The following IL15 variants were observed in gnomAD, a reference collection of about 807,000 sequenced individuals.
The protein encoded by IL15 is interleukin-15.
IL15 carries 11 observed loss-of-function variants against 19.6 expected under a neutral mutation model. The ratio of observed to expected loss-of-function variants is 0.56; its 90% confidence interval spans 0.35 to 0.93. IL15 has a LOEUF of 0.93. Ranked by LOEUF, IL15 falls within the 40% of genes least tolerant of loss-of-function variation. IL15 has a pLI of 0.01. For synonymous variants in IL15, 58 were observed against 59.6 expected (o/e 0.97, Z 0.12); for missense variants, 197 against 186.5 (o/e 1.06, Z -0.33).
chr4:141,655,699 A>C (rs756405775), intron 1 of IL15, among the ~76,000 whole-genome samples: 16 of 152,156 alleles, frequency 1.1e-4, no homozygotes, highest in Non-Finnish European at 2.2e-4. Context: ...TTAAAATATT[A>C]TACTATATTA....
intron 2 of IL15, among the ~76,000 whole-genome samples, chr4:141,709,795 G>A (rs1052792755): frequency 3.3e-5 from 5 of 151,934 alleles, no homozygotes; most frequent in African/African-American, 9.7e-5. Flanking sequence ...TTAGGTTCAG[G>A]GTGTATATGT....
chr4:141,698,268 T>A (rs1396014825), intron 2 of IL15, among the ~76,000 whole-genome samples: 1 of 152,154 alleles, frequency 6.6e-6, no homozygotes, highest in Non-Finnish European at 1.5e-5. Context: ...TTTGTATCTA[T>A]GTTTAACAGG....
At chr4:141,690,634 C>A (rs1728879128) in intron 2 of IL15, among the ~76,000 whole-genome samples, 1 of 152,170 alleles carries the variant, frequency 6.6e-6, no homozygotes, top group Non-Finnish European at 1.5e-5. Flanking sequence ...TGTTTTCCTA[C>A]CCTAAGCCTT....
At chr4:141,664,339 C>T (rs1727892264) in intron 2 of IL15, among the ~76,000 whole-genome samples, 1 of 86,162 alleles carries the variant, frequency 1.2e-5, no homozygotes, top group African/African-American at 5.0e-5. Flanking sequence ...CTTTGGTGGG[C>T]AAAACACACA....
At chr4:141,694,406 G>T (rs1729024567) in intron 2 of IL15, among the ~76,000 whole-genome samples, 1 of 152,158 alleles carries the variant, frequency 6.6e-6, no homozygotes, top group Admixed American at 6.5e-5. Flanking sequence ...ATTTCTCCAG[G>T]TACAGTCTGA....
intron 2 of IL15, among the ~76,000 whole-genome samples, chr4:141,671,145 A>G (rs560274813): frequency 1.3e-5 from 2 of 152,326 alleles, no homozygotes; most frequent in South Asian, 4.1e-4. Flanking sequence ...AAGATGAGTA[A>G]TATAACCCCT....
chr4:141,638,184 TA>T (rs1726924859), intron 1 of IL15, among the ~76,000 whole-genome samples: 1 of 152,146 alleles, frequency 6.6e-6, no homozygotes, highest in South Asian at 2.1e-4. Context: ...GGAAGGAACA[TA>T]AAGACATATA....
At chr4:141,709,780 T>G (rs1301743992) in intron 2 of IL15, among the ~76,000 whole-genome samples, 1 of 152,172 alleles carries the variant, frequency 6.6e-6, no homozygotes, top group African/African-American at 2.4e-5. Flanking sequence ...TTCTCAACTT[T>G]TATTTTAGGT....
intron 7 of IL15, among the ~76,000 whole-genome samples, chr4:141,731,086 G>A (rs1321103781): frequency 6.6e-6 from 1 of 152,092 alleles, no homozygotes; most frequent in African/African-American, 2.4e-5. Flanking sequence ...CATATGTTTA[G>A]GCAGAGACAA....
intron 2 of IL15, among the ~76,000 whole-genome samples, chr4:141,693,011 C>G (rs1048069150): frequency 7.8e-5 from 2 of 25,642 alleles, no homozygotes; most frequent in African/African-American, 3.3e-4. Flanking sequence ...AGCAAGACTC[C>G]GTCTCAAAAA....
chr4:141,658,312 T>A (rs1033724786), intron 2 of IL15, among the ~76,000 whole-genome samples: 2 of 152,174 alleles, frequency 1.3e-5, no homozygotes, highest in South Asian at 4.1e-4. Context: ...TGTGAGTCAA[T>A]TAAACATTTT....
chr4:141,637,221 A>T (rs1726890598), intron 1 of IL15: 1 of 152,380 alleles, frequency 6.6e-6, no homozygotes, highest in Admixed American at 6.5e-5. Context: ...AAGGCCAAGA[A>T]AAGGTACCGC....
intron 1 of IL15, among the ~76,000 whole-genome samples, chr4:141,652,283 C>G (rs535631016): frequency 6.6e-6 from 1 of 152,196 alleles, no homozygotes; most frequent in East Asian, 1.9e-4. Flanking sequence ...TCTGTTAGCT[C>G]TGTCTCAGAT....
intron 1 of IL15, among the ~76,000 whole-genome samples, chr4:141,641,862 T>A (rs1455138575): frequency 2.0e-5 from 3 of 149,528 alleles, no homozygotes; most frequent in Admixed American, 2.0e-4. Flanking sequence ...AAAGCCGCAA[T>A]GTGGTTTTCG....
intron 2 of IL15, among the ~76,000 whole-genome samples, chr4:141,682,626 A>G (rs1428334662): frequency 6.6e-6 from 1 of 152,154 alleles, no homozygotes; most frequent in Non-Finnish European, 1.5e-5. Flanking sequence ...ATGTGTACAC[A>G]TACACACACA....
intron 1 of IL15, among the ~76,000 whole-genome samples, chr4:141,652,242 C>T (rs1424730431): frequency 1.3e-5 from 2 of 152,006 alleles, no homozygotes; most frequent in Admixed American, 6.6e-5. Flanking sequence ...AGTACTAAAA[C>T]GGACTATTCT....
At chr4:141,723,537 C>T (rs1469352532) in intron 5 of IL15, among the ~76,000 whole-genome samples, 1 of 152,160 alleles carries the variant, frequency 6.6e-6, no homozygotes, top group Non-Finnish European at 1.5e-5. Context: ...GCCCTACCAA[C>T]ACCTTGACTT....
chr4:141,642,425 GTTGGGA>G (rs1560898167), intron 1 of IL15, among the ~76,000 whole-genome samples: 1 of 152,172 alleles, frequency 6.6e-6, no homozygotes, highest in Non-Finnish European at 1.5e-5. Flanking sequence ...GTGTTGTTCA[GTTGGGA>G]TATATAGTTC....
intron 7 of IL15, among the ~76,000 whole-genome samples, chr4:141,730,279 G>A (rs556584000): frequency 4.2e-4 from 64 of 152,268 alleles, no homozygotes; most frequent in South Asian, 1.2e-3. Flanking sequence ...TTATTGTCAG[G>A]TGCAGTGGAT....
Sources: gnomAD v4.1 joint callset for allele counts (sites outside exome capture counted in the v4.1 genomes callset) on GRCh38, gnomAD v4.1.1 for gene constraint, MANE v1.5 for transcripts, NCBI Gene and HGNC (gene_info 2026-07-23, HGNC 2026-07-21) for gene names.